The following G3BP2 variants were observed in gnomAD, a reference collection of about 807,000 sequenced individuals.
G3BP2 encodes the protein G3BP stress granule assembly factor 2, also known as ras GTPase-activating protein-binding protein 2.
A neutral mutation model predicts 56.7 loss-of-function variants in G3BP2; 11 were observed. That is an observed-to-expected ratio of 0.19 (90% confidence interval 0.12 to 0.32). G3BP2 has a LOEUF of 0.32. Ranked by LOEUF, G3BP2 falls within the 10% of genes least tolerant of loss-of-function variation. The pLI is 1.00. For missense variants in G3BP2, 340 were observed against 610.9 expected (o/e 0.56, Z 4.67); for synonymous variants, 165 against 191.6 (o/e 0.86, Z 1.15).
At chr4:75,720,021 C>G (rs889701307) in intron 3 of G3BP2, among the ~76,000 whole-genome samples, 1 of 19,596 alleles carries the variant, frequency 5.1e-5, no homozygotes, top group South Asian at 1.9e-3. Flanking sequence ...GGCCCAGAAC[C>G]CTTTTTTTTT....
At chr4:75,719,504 A>G (rs976610773) in intron 3 of G3BP2, among the ~76,000 whole-genome samples, 2 of 152,126 alleles carry the variant, frequency 1.3e-5, no homozygotes, top group African/African-American at 4.8e-5. Context: ...AGGAGGCAAC[A>G]ATTACCATTC....
chr4:75,721,814 T>C (rs1367144308), intron 2 of G3BP2, among the ~76,000 whole-genome samples: 1 of 152,180 alleles, frequency 6.6e-6, no homozygotes, highest in Non-Finnish European at 1.5e-5. Context: ...TTCAAACCAA[T>C]GAATTTTGTT....
Position 75,661,988 on chromosome 4 carries a change from C to T in G3BP2, c.38G>A (p.Arg13Gln), listed in dbSNP as rs1316139548. 9 of 1,611,906 alleles carry T rather than the reference C, an allele frequency of 5.6e-6. No homozygotes were observed. Among genetic ancestry groups the T allele is most frequent in the East Asian group, 2.2e-5 (1 of 44,846 alleles). The change falls in exon 2 of 12, where the codon CGG (arginine) becomes CAG (glutamine). Residue 13 changes from arginine (R) to glutamine (Q), a missense_variant. Transcript: ENST00000359707. Reference sequence around the variant, plus strand: ...AGTATAATATTGCCTCACAAACTCCCGCCCTACAAGCAGCGGACTGGGCTT... The same window carrying T: ...AGTATAATATTGCCTCACAAACTCCTGCCCTACAAGCAGCGGACTGGGCTT... ...MEKPSPLLVGREFVRQYYTLL... is the reference protein window; with the variant it reads ...MEKPSPLLVGQEFVRQYYTLL...
chr4:75,643,295 T>TATATATATATATATATATATATATATATA lies in G3BP2; in HGVS notation c.*2134_*2135insTATATATATATATATATATATATATATAT, dbSNP rs1730984820. ...GCAGGGCAATATCCTGAATTGGAAATTATATATATATATATATATATGGAA... is the reference window on the plus strand; with the variant it reads ...GCAGGGCAATATCCTGAATTGGAAATATATATATATATATATATATATATATATATATATATATATATATATATATGGAA... On this transcript the variant is annotated 3_prime_UTR_variant, in exon 12 of 12. Transcript: ENST00000359707. 2.0e-5 allele frequency: 2 copies of TATATATATATATATATATATATATATATA among 99,942 alleles called. No homozygotes were observed. Among genetic ancestry groups the TATATATATATATATATATATATATATATA allele is most frequent in the Non-Finnish European group, 2.2e-5 (1 of 46,322 alleles). The allele number at this position is 99,942 out of a possible 1,614,324, so 6.2% of individuals were successfully genotyped here. A position where few individuals can be genotyped will look rare whatever the true frequency, so the allele number is the denominator to read the frequency against.
intron 9 of G3BP2, among the ~76,000 whole-genome samples, chr4:75,647,934 C>G (rs964229466): frequency 6.6e-6 from 1 of 152,110 alleles, no homozygotes; most frequent in Non-Finnish European, 1.5e-5. Flanking sequence ...ACAAGGTAAA[C>G]AAGTCAAAAA....
At chr4:75,646,129 T>C (rs1452452888) in intron 11 of G3BP2, among the ~76,000 whole-genome samples, 1 of 152,162 alleles carries the variant, frequency 6.6e-6, no homozygotes, top group African/African-American at 2.4e-5. Flanking sequence ...ACATGCAATC[T>C]TGCAATCTTT....
chr4:75,645,428 C>T lies in G3BP2; in HGVS notation c.*2G>A, dbSNP rs1478406161. 1 of 1,610,400 alleles carries T rather than the reference C, an allele frequency of 6.2e-7. No individual in the cohort carries two copies. Among genetic ancestry groups the T allele is most frequent in the African/African-American group, 1.3e-5 (1 of 74,728 alleles). On this transcript the variant is annotated 3_prime_UTR_variant, in exon 12 of 12. Coordinates refer to ENST00000359707, the MANE Select transcript of G3BP2 (RefSeq NM_203505.3). Reference sequence around the variant, plus strand: ...TGCCAAGACTTTGCCAACAGTGGAGCTTCAGCGACGCTGTCCTGTGAAGCG... The same window carrying T: ...TGCCAAGACTTTGCCAACAGTGGAGTTTCAGCGACGCTGTCCTGTGAAGCG...
chr4:75,702,170 A>ACTT (rs1719371495), intron 3 of G3BP2, among the ~76,000 whole-genome samples: 1 of 72,796 alleles, frequency 1.4e-5, no homozygotes, highest in Non-Finnish European at 2.9e-5. Context: ...TAAACCCCCC[A>ACTT]ATTTTTTTTT....
intron 3 of G3BP2, among the ~76,000 whole-genome samples, chr4:75,696,312 T>G (rs4859544): frequency 6.6e-6 from 1 of 152,232 alleles, no homozygotes; most frequent in African/African-American, 2.4e-5. Flanking sequence ...TTATGACAAG[T>G]GCACACTGAA....
chr4:75,675,716 T>C (rs1026200609), upstream of G3BP2, among the ~76,000 whole-genome samples: 1 of 152,082 alleles, frequency 6.6e-6, no homozygotes, highest in Non-Finnish European at 1.5e-5. Flanking sequence ...CGCTTGAACC[T>C]GGGAGGCGGA....
intron 3 of G3BP2, among the ~76,000 whole-genome samples, chr4:75,719,273 G>A (rs1720050597): frequency 6.8e-6 from 1 of 147,614 alleles, no homozygotes; most frequent in Admixed American, 6.8e-5. Context: ...GTGTGAACCC[G>A]GGAGGCGGAG....
intron 3 of G3BP2, among the ~76,000 whole-genome samples, chr4:75,658,509 T>C (rs1732284020): frequency 6.6e-6 from 1 of 151,038 alleles, no homozygotes; most frequent in Non-Finnish European, 1.5e-5. Context: ...GGCGGGCAGA[T>C]CACCTGAGGT....
Position 75,645,643 on chromosome 4 carries a change from T to G in G3BP2, c.1236A>C (p.Ala412=), listed in dbSNP as rs756796377. ...CACCACCTCTGGTTTCTCGCTCTCT[T>G]GCAGCTCTTGTTTTTTTCTCTTCCA... The part of the protein sequence containing the change: ...LNVEEKKTRA[A]RERETRGGGD... Residue 412 remains alanine, a synonymous_variant, in exon 12 of 12, where the codon GCA becomes GCC. Coordinates refer to ENST00000359707, the MANE Select transcript of G3BP2 (RefSeq NM_203505.3). 1 of 1,614,050 alleles carries G rather than the reference T, an allele frequency of 6.2e-7. No homozygotes were observed.
intron 6 of G3BP2, 42 bp from the exon 7 acceptor site, chr4:75,655,288 G>T: frequency 6.9e-7 from 1 of 1,443,124 alleles, no homozygotes; most frequent in Non-Finnish European, 9.6e-7. Context: ...AGGAGTTCAA[G>T]TAAGAAAAAA....
At chr4:75,665,473 C>G (rs2149017038) in intron 1 of G3BP2, among the ~76,000 whole-genome samples, 1 of 152,250 alleles carries the variant, frequency 6.6e-6, no homozygotes, top group South Asian at 2.1e-4. Flanking sequence ...AAGCACTGGG[C>G]TGTGGCTCAC....
At chr4:75,664,490 C>T (rs576541811) in intron 1 of G3BP2, among the ~76,000 whole-genome samples, 3 of 152,040 alleles carry the variant, frequency 2.0e-5, no homozygotes, top group Admixed American at 6.5e-5. Flanking sequence ...GCAGGAGAAT[C>T]GCTTGATCCC....
chr4:75,706,532 C>T (rs980202431), intron 3 of G3BP2, among the ~76,000 whole-genome samples: 5 of 152,054 alleles, frequency 3.3e-5, no homozygotes, highest in East Asian at 1.9e-4. Flanking sequence ...ACAAAATTAG[C>T]GGGGCGTGGT....
rs1037929388 is a variant in G3BP2, at chr4:75,696,657, G to A, written c.-25+24220C>T. Among the ~76,000 whole-genome samples, 3 of 152,270 alleles carry A rather than the reference G, an allele frequency of 2.0e-5. No homozygotes were observed. In the South Asian group the frequency reaches 6.2e-4, roughly 32 times the overall value. On this transcript the variant is annotated intron_variant, in intron 3 of 3. Coordinates refer to the G3BP2 transcript ENST00000499709. ...GGCCTTGGTAAAAAACATTAGATGTGTAAATGATGTGAGCATGGCAGACAA... is the reference window on the plus strand; with the variant it reads ...GGCCTTGGTAAAAAACATTAGATGTATAAATGATGTGAGCATGGCAGACAA...
At chr4:75,697,454 T>C (rs1042452060) in intron 3 of G3BP2, among the ~76,000 whole-genome samples, 2 of 152,014 alleles carry the variant, frequency 1.3e-5, no homozygotes, top group African/African-American at 4.8e-5. Flanking sequence ...GATGGGTATG[T>C]GGAGATTTAA....
Sources: gnomAD v4.1 joint callset for allele counts (sites outside exome capture counted in the v4.1 genomes callset) on GRCh38, gnomAD v4.1.1 for gene constraint, MANE v1.5 for transcripts, NCBI Gene and HGNC (gene_info 2026-07-23, HGNC 2026-07-21) for gene names.